The following GPC6 variants were observed in gnomAD, a reference collection of about 807,000 sequenced individuals.
GPC6 encodes glypican-6.
In GPC6, 14 loss-of-function variants were observed where a neutral mutation model predicts 55.2. The ratio of observed to expected loss-of-function variants is 0.25; its 90% CI spans 0.17 to 0.40. The LOEUF (loss-of-function observed/expected upper bound fraction) is 0.40. Among genes scored for constraint, GPC6 ranks in the 10% least tolerant of loss-of-function variants. The pLI is 1.00. For missense variants in GPC6, 641 were observed against 708.5 expected (o/e 0.90, Z 1.08); for synonymous variants, 278 against 259.6 (o/e 1.07, Z -0.68).
At chr13:93,548,391 ATCCAG>A (rs1242339040) in intron 2 of GPC6, among the ~76,000 whole-genome samples, 2 of 152,208 alleles carry the variant, frequency 1.3e-5, no homozygotes, top group Non-Finnish European at 2.9e-5. Flanking sequence ...CATACATGTG[ATCCAG>A]TCCAAGATAT....
At chr13:93,989,126 TG>T (rs1354164333) in intron 3 of GPC6, among the ~76,000 whole-genome samples, 2 of 152,208 alleles carry the variant, frequency 1.3e-5, no homozygotes, top group African/African-American at 4.8e-5. Flanking sequence ...TCCTTAAATG[TG>T]GTAATGCCTT....
chr13:93,269,845 T>C (rs1594063523), intron 1 of GPC6, among the ~76,000 whole-genome samples: 1 of 143,382 alleles, frequency 7.0e-6, no homozygotes, highest in East Asian at 2.0e-4. Context: ...TGAGCCTAGA[T>C]TGCGTCACTG....
intron 4 of GPC6, among the ~76,000 whole-genome samples, chr13:94,268,715 G>A (rs1891891536): frequency 6.6e-6 from 1 of 152,090 alleles, no homozygotes; most frequent in South Asian, 2.1e-4. Context: ...GGTACGTAAA[G>A]AAAATAAGAG....
intron 1 of GPC6, among the ~76,000 whole-genome samples, chr13:93,337,965 T>G (rs768292985): frequency 2.1e-4 from 32 of 152,238 alleles, no homozygotes; most frequent in Non-Finnish European, 2.8e-4. Context: ...GGAATTAAAT[T>G]TCAGTTGCTA....
chr13:94,078,495 C>G (rs758882907), intron 4 of GPC6, among the ~76,000 whole-genome samples: 6 of 151,350 alleles, frequency 4.0e-5, no homozygotes, highest in Non-Finnish European at 8.9e-5. Flanking sequence ...AATTGACAAA[C>G]TAAGAAAAGG....
intron 4 of GPC6, among the ~76,000 whole-genome samples, chr13:94,196,151 C>T (rs986100149): frequency 3.3e-5 from 5 of 151,282 alleles, no homozygotes; most frequent in Non-Finnish European, 7.4e-5. Flanking sequence ...CCGGGCCATA[C>T]TGCATACCAC....
At chr13:93,760,345 A>G (rs16949191) in intron 2 of GPC6, among the ~76,000 whole-genome samples, 1,617 of 152,278 alleles carry the variant, frequency 0.011, 29 homozygotes, top group African/African-American at 0.037. Context: ...AGAGTTAATT[A>G]CACCCTGAGC....
intron 1 of GPC6, among the ~76,000 whole-genome samples, chr13:93,304,901 T>G (rs921156450): frequency 6.6e-6 from 1 of 152,218 alleles, no homozygotes; most frequent in African/African-American, 2.4e-5. Flanking sequence ...ATGTTTGGCT[T>G]TCTCTGTTTT....
chr13:93,400,599 A>G (rs549077593), intron 1 of GPC6, among the ~76,000 whole-genome samples: 1 of 152,312 alleles, frequency 6.6e-6, no homozygotes, highest in East Asian at 1.9e-4. Context: ...CTAAAAGAGT[A>G]TAATTGGGCT....
intron 4 of GPC6, among the ~76,000 whole-genome samples, chr13:94,225,236 G>A (rs1354032233): frequency 6.6e-6 from 1 of 151,928 alleles, no homozygotes; most frequent in Middle Eastern, 3.2e-3. Flanking sequence ...TGCTACTGAG[G>A]GCTTCATCAA....
At chr13:94,001,264 C>T (rs9556346) in intron 3 of GPC6, among the ~76,000 whole-genome samples, 66,294 of 151,918 alleles carry the variant, frequency 0.44, 16,314 homozygotes, top group South Asian at 0.63. Context: ...ATTTATCAGA[C>T]GGCATTTCAC....
chr13:93,444,745 A>G (rs1273868967), intron 1 of GPC6, among the ~76,000 whole-genome samples: 2 of 152,250 alleles, frequency 1.3e-5, no homozygotes, highest in African/African-American at 2.4e-5. Flanking sequence ...AAAGCTTTGA[A>G]TATCACATTG....
intron 4 of GPC6, among the ~76,000 whole-genome samples, chr13:94,221,600 T>G (rs1178286749): frequency 6.6e-6 from 1 of 152,088 alleles, no homozygotes; most frequent in African/African-American, 2.4e-5. Context: ...TGCTTTTCAG[T>G]TTTACTTTTA....
intron 2 of GPC6, among the ~76,000 whole-genome samples, chr13:93,742,394 A>G (rs1884237965): frequency 6.6e-6 from 1 of 152,248 alleles, no homozygotes; most frequent in Non-Finnish European, 1.5e-5. Context: ...GCCCTAAAAT[A>G]CAAATGGCTG....
chr13:94,132,018 C>G (rs1316917559), intron 4 of GPC6, among the ~76,000 whole-genome samples: 1 of 152,106 alleles, frequency 6.6e-6, no homozygotes, highest in African/African-American at 2.4e-5. Context: ...ATAGATTCTG[C>G]CTGTTACCTC....
At chr13:94,387,281 G>A (rs1053733116) in intron 7 of GPC6, among the ~76,000 whole-genome samples, 2 of 152,194 alleles carry the variant, frequency 1.3e-5, no homozygotes, top group Non-Finnish European at 2.9e-5. Flanking sequence ...GTCTGCAACA[G>A]GAGGCAGGGT....
At chr13:93,309,213 G>T (rs1878978329) in intron 1 of GPC6, among the ~76,000 whole-genome samples, 1 of 152,072 alleles carries the variant, frequency 6.6e-6, no homozygotes. Context: ...AGAATTTAAA[G>T]GTTCTTGATA....
chr13:94,224,501 G>C (rs187023742), intron 4 of GPC6, among the ~76,000 whole-genome samples: 22 of 151,816 alleles, frequency 1.4e-4, no homozygotes, highest in Non-Finnish European at 3.1e-4. Flanking sequence ...AGAAAAATGG[G>C]TGCCCTTTAA....
chr13:93,909,936 C>A (rs1205222784), intron 3 of GPC6, among the ~76,000 whole-genome samples: 13 of 152,138 alleles, frequency 8.5e-5, no homozygotes, highest in Admixed American at 8.5e-4. Context: ...TCCTCCACCT[C>A]CCCGCTCCTA....
Sources: allele counts gnomAD v4.1 joint callset (sites outside exome capture counted in the v4.1 genomes callset), GRCh38; gene constraint gnomAD v4.1.1; transcripts MANE v1.5; gene names NCBI Gene and HGNC (gene_info 2026-07-23, HGNC 2026-07-21).